The following ZNF678 variants were observed in gnomAD, a reference collection of about 807,000 sequenced individuals.
ZNF678 encodes the protein hypothetical protein MGC42493.
A neutral mutation model predicts 3.0 loss-of-function variants in ZNF678; 5 were observed. That is an observed-to-expected ratio of 1.69 (90% CI 0.88 to 3.56). ZNF678 has a LOEUF of 3.56. Among genes scored for constraint, ZNF678 ranks in the 30% most tolerant of loss-of-function variants. The pLI, the probability that ZNF678 is intolerant of heterozygous loss-of-function variation, is 0.00. For synonymous variants in ZNF678, 218 were observed against 199.6 expected, an observed-to-expected ratio of 1.09 and a Z score of -0.78; for missense variants, 593 against 605.0, an observed-to-expected ratio of 0.98 and a Z score of 0.21.
intron 1 of ZNF678, among the ~76,000 whole-genome samples, chr1:227,625,821 C>T (rs1658398685): frequency 6.6e-6 from 1 of 152,120 alleles, no homozygotes; most frequent in Admixed American, 6.5e-5. Context: ...CCACCCCCAT[C>T]AGACATACCG....
chr1:227,644,552 G>T (rs1187854835), intron 1 of ZNF678, among the ~76,000 whole-genome samples: 1 of 152,166 alleles, frequency 6.6e-6, no homozygotes, highest in Non-Finnish European at 1.5e-5. Context: ...TCTGTTTGTT[G>T]TGCCTGTTTT....
At chr1:227,586,857 G>A (rs1657275933) in intron 1 of ZNF678, among the ~76,000 whole-genome samples, 2 of 152,182 alleles carry the variant, frequency 1.3e-5, no homozygotes, top group East Asian at 1.9e-4. Context: ...GTGATCAGGA[G>A]GTAGATGAAA....
intron 1 of ZNF678, among the ~76,000 whole-genome samples, chr1:227,637,277 T>C (rs914949690): frequency 6.6e-6 from 1 of 152,178 alleles, no homozygotes; most frequent in African/African-American, 2.4e-5. Flanking sequence ...AGCACAGTGC[T>C]TTGGGGGGTT....
chr1:227,572,161 C>A (rs137872877), intron 1 of ZNF678, among the ~76,000 whole-genome samples: 1 of 152,228 alleles, frequency 6.6e-6, no homozygotes, highest in South Asian at 2.1e-4. Context: ...CAAAACCTTA[C>A]GTTTTTATAG....
chr1:227,593,661 A>G (rs1222284293), intron 1 of ZNF678, among the ~76,000 whole-genome samples: 2 of 152,218 alleles, frequency 1.3e-5, no homozygotes, highest in Non-Finnish European at 2.9e-5. Context: ...CATTAAATGC[A>G]ATAGTTTGAG....
At chr1:227,595,618 A>G (rs1424519521) in intron 1 of ZNF678, among the ~76,000 whole-genome samples, 1 of 152,122 alleles carries the variant, frequency 6.6e-6, no homozygotes, top group Non-Finnish European at 1.5e-5. Context: ...GAGACAAAAC[A>G]CCATGCTCAA....
At position 227,646,679 on chromosome 1, in the gene ZNF678, A is replaced by G. The variant is rs1381235582; in HGVS notation, c.-37+9A>G. ...AAACCTGGTCTCCCTGGGTGAGGAT[A>G]ACTTCAATACACAATTTATGTATTT... On this transcript the variant is annotated intron_variant, in intron 2 of 3. Coordinates refer to ENST00000343776, the MANE Select transcript of ZNF678 (RefSeq NM_001367909.1). 6 of 1,370,864 alleles carry G rather than the reference A, an allele frequency of 4.4e-6. No homozygotes were observed. The highest frequency in any genetic ancestry group is 5.9e-6 in the Non-Finnish European group (6 of 1,024,290). 84.9% of individuals were successfully genotyped at this position (1,370,864 alleles called of 1,614,324 possible). A position where few individuals can be genotyped will look rare whatever the true frequency, so the allele number is the denominator to read the frequency against.
rs1658745490 is a variant in ZNF678, at chr1:227,638,823, G to A, written c.-163-7721G>A. Among the ~76,000 whole-genome samples the A allele has an allele frequency of 6.6e-6, 1 of 151,950 alleles. No individual in the cohort carries two copies. The highest frequency in any genetic ancestry group is 2.1e-4 in the South Asian group (1 of 4,822). ...CAGAAGAGTGGAGCAGGGGCTTGGG[G>A]TTTGGAGAGTTGTCCATCAATTCCC... is the stretch of plus-strand genomic sequence containing the variant. On this transcript the variant is annotated intron_variant, in intron 1 of 3. Coordinates refer to ENST00000343776, the MANE Select transcript of ZNF678 (RefSeq NM_001367909.1). The surrounding 1 kb of genome is among the most constrained non-coding windows in gnomAD (Gnocchi z 4.2).
In ZNF678 at chr1:227,655,938, C is replaced by G; in HGVS notation, c.*110C>G. 1 of 787,996 alleles carries G rather than the reference C, an allele frequency of 1.3e-6. No individual in the cohort carries two copies. Among genetic ancestry groups the G allele is most frequent in the Non-Finnish European group, 1.9e-6 (1 of 524,092 alleles). The allele number at this position is 787,996 out of a possible 1,614,324, so 48.8% of individuals were successfully genotyped here. ...AAAATGTAAGCTTCAGAGTGCACAA[C>G]ACTATACTGAATGAAATTTATAAAT... On this transcript the variant is annotated 3_prime_UTR_variant, in exon 4 of 4. Transcript: ENST00000343776.
At chr1:227,651,446 T>G (rs1264291734) in intron 3 of ZNF678, among the ~76,000 whole-genome samples, 3 of 152,150 alleles carry the variant, frequency 2.0e-5, no homozygotes, top group Non-Finnish European at 4.4e-5. Context: ...GAGACCACAG[T>G]AAATGTCAAG....
chr1:227,643,246 T>A (rs1338898463), intron 1 of ZNF678, among the ~76,000 whole-genome samples: 1 of 152,176 alleles, frequency 6.6e-6, no homozygotes, highest in East Asian at 1.9e-4. Context: ...TTTTACCTTC[T>A]TAGGAATAAA....
At chr1:227,568,530 G>A (rs1456016326) in intron 1 of ZNF678, among the ~76,000 whole-genome samples, 1 of 152,104 alleles carries the variant, frequency 6.6e-6, no homozygotes, top group Non-Finnish European at 1.5e-5. Flanking sequence ...GATTGCCTAC[G>A]CACCCAATCT....
In ZNF678 at chr1:227,635,447, GT is replaced by G. The variant is rs1039239345; in HGVS notation, c.-163-11091del. ...ATTTCTTTTGAATATAGGCAGTTCA[GT>G]TTTTTGTTGACTATAGCCAAAACAC... On this transcript the variant is annotated intron_variant, in intron 1 of 3. Transcript: ENST00000343776. Among the ~76,000 whole-genome samples, 705 of 151,144 alleles carry G rather than the reference GT, an allele frequency of 4.7e-3. 7 individuals are homozygous for G. Among genetic ancestry groups the G allele is most frequent in the African/African-American group, 0.016 (676 of 41,124 alleles).
At chr1:227,615,505 A>C (rs895775291) in intron 1 of ZNF678, among the ~76,000 whole-genome samples, 1 of 152,182 alleles carries the variant, frequency 6.6e-6, no homozygotes, top group Non-Finnish European at 1.5e-5. Context: ...TTAACTGCTT[A>C]GTTCTGAGTC....
chr1:227,603,925 A>G (rs1199583305), intron 1 of ZNF678, among the ~76,000 whole-genome samples: 1 of 152,216 alleles, frequency 6.6e-6, no homozygotes, highest in Non-Finnish European at 1.5e-5. Context: ...TGTCTTGTAT[A>G]ATTGGAACCA....
intron 5 of ZNF678, among the ~76,000 whole-genome samples, chr1:227,668,402 A>G (rs143922689): frequency 1.0e-3 from 153 of 152,354 alleles, no homozygotes; most frequent in African/African-American, 3.6e-3. Flanking sequence ...AAAAAAATCC[A>G]TAATTCTGGC....
Position 227,655,721 on chromosome 1 carries a change from T to A in ZNF678, c.1471T>A (p.Cys491Ser), listed in dbSNP as rs773711507. The A allele has an allele frequency of 1.2e-6, 2 of 1,612,586 alleles. No individual in the cohort carries two copies. The highest frequency in any genetic ancestry group is 1.7e-6 in the Non-Finnish European group (2 of 1,179,114). Residue 491 changes from cysteine (C) to serine (S), a missense_variant, in exon 4 of 4, where the codon TGT (cysteine) becomes AGT (serine). By Grantham distance (112) the Cys-to-Ser change is moderately radical. Transcript: ENST00000343776. ...RIHTGEKRYK[C>S]KECGKGFYQS... ...TCATACTGGAGAGAAACGCTACAAA[T>A]GTAAAGAATGTGGAAAAGGTTTTTA...
chr1:227,568,371 G>A (rs1353195475), intron 1 of ZNF678, among the ~76,000 whole-genome samples: 1 of 151,414 alleles, frequency 6.6e-6, no homozygotes, highest in East Asian at 2.0e-4. Context: ...GACAAAAATG[G>A]GAATTTGCAA....
At chr1:227,604,608 C>G (rs1204459302) in intron 1 of ZNF678, among the ~76,000 whole-genome samples, 1 of 152,122 alleles carries the variant, frequency 6.6e-6, no homozygotes, top group Non-Finnish European at 1.5e-5. Flanking sequence ...CAGCTGATCT[C>G]AAACTCCCGG....
Sources: gnomAD v4.1 joint callset for allele counts (sites outside exome capture counted in the v4.1 genomes callset) on GRCh38, gnomAD v4.1.1 for gene constraint, Gnocchi (gnomAD v3.1) non-coding constraint, MANE v1.5 for transcripts, NCBI Gene and HGNC (gene_info 2026-07-23, HGNC 2026-07-21) for gene names.